CDH8: variants seen among roughly 807,000 people sequenced by gnomAD.
CDH8 encodes the protein cadherin-8.
In CDH8, 17 loss-of-function variants were observed where a neutral mutation model predicts 68.1. The ratio of observed to expected loss-of-function variants is 0.25; its 90% confidence interval spans 0.17 to 0.37. CDH8 has a LOEUF of 0.37. Ranked by LOEUF, CDH8 falls within the 10% of genes least tolerant of loss-of-function variation. CDH8 has a pLI of 1.00. For synonymous variants in CDH8, 372 were observed against 365.1 expected (o/e 1.02, Z -0.21); for missense variants, 763 against 999.3 (o/e 0.76, Z 3.19).
At chr16:61,656,147 C>G (rs1963443753) in intron 10 of CDH8, among the ~76,000 whole-genome samples, 2 of 152,178 alleles carry the variant, frequency 1.3e-5, no homozygotes, top group African/African-American at 4.8e-5. Flanking sequence ...GCTGGGGGTA[C>G]AGGCGTGAGC....
At chr16:61,867,772 T>C (rs1482826918) in intron 3 of CDH8, among the ~76,000 whole-genome samples, 2 of 152,194 alleles carry the variant, frequency 1.3e-5, no homozygotes, top group African/African-American at 4.8e-5. Context: ...AGATTCCAGA[T>C]TTAGTTGATT....
At chr16:61,959,074 C>T (rs76861743) in intron 2 of CDH8, among the ~76,000 whole-genome samples, 1,940 of 152,246 alleles carry the variant, frequency 0.013, 37 homozygotes, top group African/African-American at 0.04. Context: ...CAAAAATCAA[C>T]TTGATTCTCA....
chr16:61,784,287 C>G (rs1356445584), intron 8 of CDH8, among the ~76,000 whole-genome samples: 1 of 151,580 alleles, frequency 6.6e-6, no homozygotes, highest in African/African-American at 2.4e-5. Context: ...GGTTGCAATC[C>G]TAGTATCTGA....
At chr16:61,959,586 A>ATG (rs932238283) in intron 2 of CDH8, among the ~76,000 whole-genome samples, 15 of 149,168 alleles carry the variant, frequency 1.0e-4, no homozygotes, top group South Asian at 6.4e-4. Context: ...ATATAGAGAG[A>ATG]TGTGTGTGTG....
intron 9 of CDH8, among the ~76,000 whole-genome samples, chr16:61,718,296 C>A (rs780749361): frequency 6.6e-6 from 1 of 151,236 alleles, no homozygotes. Context: ...AGAAATAGTT[C>A]TTTCTATGTA....
intron 10 of CDH8, among the ~76,000 whole-genome samples, chr16:61,705,873 C>T (rs943593225): frequency 6.6e-6 from 1 of 152,172 alleles, no homozygotes; most frequent in Admixed American, 6.5e-5. Context: ...TTATAGTTTC[C>T]TCTCTAAGAT....
chr16:61,830,990 C>T (rs184623491), intron 4 of CDH8, among the ~76,000 whole-genome samples: 251 of 151,874 alleles, frequency 1.7e-3, no homozygotes, highest in Non-Finnish European at 2.9e-3. Flanking sequence ...CTTGGACTAA[C>T]ACAGAACATC....
intron 2 of CDH8, among the ~76,000 whole-genome samples, chr16:61,907,678 CAA>C (rs568772782): frequency 2.7e-4 from 33 of 124,092 alleles, no homozygotes; most frequent in Non-Finnish European, 2.8e-4. Flanking sequence ...GACCCTGTTG[CAA>C]AAAAAAAAAA....
chr16:61,853,828 G>A (rs764428091), intron 4 of CDH8, among the ~76,000 whole-genome samples: 23 of 151,908 alleles, frequency 1.5e-4, no homozygotes, highest in Non-Finnish European at 2.5e-4. Context: ...TAAAATCAAC[G>A]TATATATTAA....
chr16:61,683,241 T>C (rs140208361), intron 10 of CDH8, among the ~76,000 whole-genome samples: 3,373 of 151,996 alleles, frequency 0.022, 68 homozygotes, highest in Non-Finnish European at 0.033. Context: ...TTACCTTAAC[T>C]GAAAAATAAA....
intron 8 of CDH8, among the ~76,000 whole-genome samples, chr16:61,750,182 G>A (rs1409289586): frequency 1.3e-5 from 2 of 152,010 alleles, no homozygotes; most frequent in Non-Finnish European, 2.9e-5. Context: ...CTGTTCCTGT[G>A]TTCATTTGCT....
chr16:61,905,890 G>A (rs772827655), intron 2 of CDH8, among the ~76,000 whole-genome samples: 10 of 150,700 alleles, frequency 6.6e-5, no homozygotes, highest in Non-Finnish European at 1.0e-4. Flanking sequence ...GCAAGACTCC[G>A]TCTTGAAAAA....
rs186845438 is a variant in CDH8 at position 61,750,239 on chromosome 16, T to C, written c.1415-23024A>G. 4.9e-3 allele frequency among the ~76,000 whole-genome samples: 746 copies of C among 152,240 alleles called. 11 individuals carry two copies. Among genetic ancestry groups the C allele is most frequent in the Admixed American group, 0.036 (549 of 15,258 alleles). On this transcript the variant is annotated intron_variant, in intron 8 of 11. Coordinates refer to ENST00000577390, the MANE Select transcript of CDH8 (RefSeq NM_001796.5). ...TTTTGGCTCACTCTAAGGAGTTGCT[T>C]TCTAACATACCTGCTCAAGAGAAAA...
intron 3 of CDH8, among the ~76,000 whole-genome samples, chr16:61,863,927 A>T (rs1166917284): frequency 6.6e-6 from 1 of 152,188 alleles, no homozygotes; most frequent in Non-Finnish European, 1.5e-5. Flanking sequence ...CATAGCAATG[A>T]TGCAACTGCG....
intron 4 of CDH8, among the ~76,000 whole-genome samples, chr16:61,855,697 C>A (rs1963030530): frequency 1.3e-5 from 2 of 152,148 alleles, no homozygotes; most frequent in Non-Finnish European, 2.9e-5. Context: ...ACAGAAGACC[C>A]TGTGCCATAG....
intron 10 of CDH8, among the ~76,000 whole-genome samples, chr16:61,671,238 C>T (rs1247600289): frequency 6.6e-6 from 1 of 151,978 alleles, no homozygotes; most frequent in Non-Finnish European, 1.5e-5. Context: ...GCATTTCAAA[C>T]AAATGTTGTT....
At position 61,960,313 on chromosome 16, in the gene CDH8, A is replaced by ATATATACGTGTGTGTGTATACACACG. The variant is rs1965118647; in HGVS notation, c.253-58841_253-58840insCGTGTGTATACACACACACGTATATA. 4.2e-5 allele frequency among the ~76,000 whole-genome samples: 4 copies of ATATATACGTGTGTGTGTATACACACG among 96,072 alleles called. 1 individual carries two copies. The highest frequency in any genetic ancestry group is 7.5e-5 in the Non-Finnish European group (4 of 53,332). The allele number at this position is 96,072 out of a possible 152,430, so 63.0% of individuals were successfully genotyped here. On this transcript the variant is annotated intron_variant, in intron 2 of 11. Coordinates refer to ENST00000577390, the MANE Select transcript of CDH8 (RefSeq NM_001796.5). ...TATATACGTGTGTGTGTATACACAC[A>ATATATACGTGTGTGTGTATACACACG]TATATACGTGTGTGTGTATACACAC... is the stretch of plus-strand genomic sequence containing the variant.
rs536676803 is a variant in CDH8, at chr16:61,648,978, A to G, written c.*4630T>C. On this transcript the variant is annotated 3_prime_UTR_variant, in exon 12 of 12. Coordinates refer to ENST00000577390, the MANE Select transcript of CDH8 (RefSeq NM_001796.5). ...GATCATAAAGACATGCTCTTCTACA[A>G]TTATCATAAGAAGCAATAATTACAA... 1.1e-4 allele frequency: 17 copies of G among 152,156 alleles called. No individual in the cohort carries two copies. The South Asian group carries it at 3.5e-3, about 32-fold the overall frequency. 9.4% of individuals were successfully genotyped at this position (152,156 alleles called of 1,614,324 possible).
rs148895630 is a variant in CDH8, at chr16:61,687,888, T to C, written c.1654+25953A>G. Among the ~76,000 whole-genome samples the C allele has an allele frequency of 4.3e-3, 659 of 152,182 alleles. 4 individuals are homozygous for C. Among genetic ancestry groups the C allele is most frequent in the Non-Finnish European group, 7.1e-3 (484 of 67,966 alleles). On this transcript the variant is annotated intron_variant, in intron 10 of 11. Transcript: ENST00000577390. ...TTTTCTAAGCTTTATCTCATTTATA[T>C]ATTATTGCATTCATTTTTATCATCA...
Sources: allele counts gnomAD v4.1 joint callset (sites outside exome capture counted in the v4.1 genomes callset), GRCh38; gene constraint gnomAD v4.1.1; transcripts MANE v1.5; gene names NCBI Gene and HGNC (gene_info 2026-07-23, HGNC 2026-07-21).